The following GALNTL5 variants were observed in gnomAD, a reference collection of about 807,000 sequenced individuals.
The protein encoded by GALNTL5 is inactive polypeptide N-acetylgalactosaminyltransferase-like protein 5.
In GALNTL5, 44 loss-of-function variants were observed where a neutral mutation model predicts 51.0. The observed-to-expected ratio is 0.86, with a 90% CI of 0.68 to 1.11. GALNTL5 has a LOEUF of 1.11. Ranked by LOEUF, GALNTL5 falls within the 50% of genes least tolerant of loss-of-function variation. The pLI, the probability that GALNTL5 is intolerant of heterozygous loss-of-function variation, is 0.00. For missense variants in GALNTL5, 528 were observed against 531.8 expected (o/e 0.99, Z 0.07); for synonymous variants, 192 against 182.8 (o/e 1.05, Z -0.41).
intron 5 of GALNTL5, among the ~76,000 whole-genome samples, chr7:151,988,803 C>A (rs1215232639): frequency 6.6e-6 from 1 of 151,098 alleles, no homozygotes. Context: ...TGGGCTCAAG[C>A]AATTCTCCTG....
In GALNTL5 at chr7:151,967,279, T is replaced by C. The variant is rs1013989112; in HGVS notation, c.33T>C (p.Tyr11=). MRNAIIQGLF[Y]GSLTFGIWTA... ...ATGCCATAATTCAAGGTTTATTCTA[T>C]GGGTCCTTGACATTTGGGATCTGGA... Residue 11 remains tyrosine (Y), a synonymous_variant, in exon 2 of 9, where the codon TAT becomes TAC. Transcript: ENST00000392800. The C allele has an allele frequency of 1.2e-6, 2 of 1,613,562 alleles. No homozygotes were observed. The highest frequency in any genetic ancestry group is 1.3e-5 in the African/African-American group (1 of 74,942).
intron 1 of GALNTL5, among the ~76,000 whole-genome samples, chr7:151,965,920 C>G (rs879759707): frequency 6.6e-6 from 1 of 151,992 alleles, no homozygotes; most frequent in Non-Finnish European, 1.5e-5. Flanking sequence ...GTTCTTTATT[C>G]TCCTCCCCCC....
intron 3 of GALNTL5, among the ~76,000 whole-genome samples, chr7:151,971,504 G>A (rs923589653): frequency 2.0e-5 from 3 of 152,030 alleles, no homozygotes; most frequent in African/African-American, 7.3e-5. Flanking sequence ...TCATTGTTAT[G>A]TGATAAAATA....
chr7:151,989,963 T>C (rs1248131995), intron 5 of GALNTL5, among the ~76,000 whole-genome samples: 1 of 152,230 alleles, frequency 6.6e-6, no homozygotes, highest in Non-Finnish European at 1.5e-5. Flanking sequence ...TTCTATATTA[T>C]GAACACTGAG....
At chr7:151,988,391 G>T (rs2081387342) in intron 5 of GALNTL5, among the ~76,000 whole-genome samples, 1 of 152,186 alleles carries the variant, frequency 6.6e-6, no homozygotes. Flanking sequence ...ACCACGGGAG[G>T]CGAATCATTT....
intron 6 of GALNTL5, among the ~76,000 whole-genome samples, chr7:152,004,072 A>G (rs1221492898): frequency 1.3e-5 from 2 of 152,092 alleles, no homozygotes; most frequent in Non-Finnish European, 2.9e-5. Flanking sequence ...GTCAGAAATA[A>G]GCACGGAGAT....
chr7:151,986,871 G>A (rs7794670), intron 4 of GALNTL5, among the ~76,000 whole-genome samples: 127,326 of 151,430 alleles, frequency 0.84, 55,000 homozygotes, highest in Non-Finnish European at 0.96. Flanking sequence ...GATTACAGGC[G>A]CCCACCACTA....
At chr7:152,013,333 A>G (rs534490710) in intron 7 of GALNTL5, among the ~76,000 whole-genome samples, 42 of 152,182 alleles carry the variant, frequency 2.8e-4, no homozygotes, top group Admixed American at 2.1e-3. Flanking sequence ...TGTACCCTTG[A>G]ACTGAAAACA....
At chr7:151,969,963 C>G (rs1196877412) in intron 2 of GALNTL5, among the ~76,000 whole-genome samples, 2 of 131,598 alleles carry the variant, frequency 1.5e-5, no homozygotes, top group Admixed American at 1.5e-4. Context: ...CCAGCCGCCA[C>G]GCCTGGCTAT....
chr7:152,003,596 A>G (rs984741307), intron 6 of GALNTL5, among the ~76,000 whole-genome samples: 1 of 152,232 alleles, frequency 6.6e-6, no homozygotes, highest in African/African-American at 2.4e-5. Context: ...GATCTGATCA[A>G]TATCAACATT....
chr7:152,013,788 A>G (rs551151758), intron 7 of GALNTL5, among the ~76,000 whole-genome samples: 2 of 152,238 alleles, frequency 1.3e-5, no homozygotes, highest in Non-Finnish European at 1.5e-5. Context: ...GTGAGTTTAC[A>G]TATATACCTG....
Position 152,019,829 on chromosome 7 carries a change from A to G in GALNTL5, c.*28A>G, listed in dbSNP as rs1353814477. The stretch of plus-strand genomic sequence containing the variant: ...GGAAAACAAATCACTTTCATTAATA[A>G]AGGGTTAAAAGTCTCCTAGTCATTC... On this transcript the variant is annotated 3_prime_UTR_variant, in exon 9 of 9. Coordinates refer to ENST00000392800, the MANE Select transcript of GALNTL5 (RefSeq NM_145292.4). 10 of 1,577,706 alleles carry G rather than the reference A, an allele frequency of 6.3e-6. No homozygotes were observed. The highest frequency in any genetic ancestry group is 8.7e-6 in the Non-Finnish European group (10 of 1,154,204).
Position 152,002,815 on chromosome 7 carries a change from C to A in GALNTL5, c.760C>A (p.Pro254Thr), listed in dbSNP as rs759715189. 1.9e-6 allele frequency: 3 copies of A among 1,614,060 alleles called. No individual in the cohort carries two copies. The highest frequency in any genetic ancestry group is 1.7e-5 in the Admixed American group (1 of 60,014). The change falls in exon 6 of 9, where the codon CCC becomes ACC. Residue 254 changes from proline (P) to threonine (T), a missense_variant. Pro to Thr is a conservative substitution (Grantham distance 38). Transcript: ENST00000392800. ...CAAGGACCCCAAAATGGTGGTGTGCCCCCTGATAGATGTCATTGATGATAG... is the reference window on the plus strand; with the variant it reads ...CAAGGACCCCAAAATGGTGGTGTGCACCCTGATAGATGTCATTGATGATAG... ...IAKDPKMVVC[P>T]LIDVIDDRTL...
chr7:151,962,938 T>C (rs1009185794), intron 1 of GALNTL5, among the ~76,000 whole-genome samples: 8 of 152,182 alleles, frequency 5.3e-5, no homozygotes, highest in Non-Finnish European at 1.2e-4. Flanking sequence ...TTTTCCTTTA[T>C]TGCCATTTGC....
chr7:151,994,596 C>T (rs929712409), intron 5 of GALNTL5, among the ~76,000 whole-genome samples: 1 of 152,090 alleles, frequency 6.6e-6, no homozygotes, highest in South Asian at 2.1e-4. Context: ...AGCCTCTGCC[C>T]GTGATTGGCT....
chr7:151,995,390 TG>T (rs2081486917), intron 5 of GALNTL5: 4 of 97,846 alleles, frequency 4.1e-5, no homozygotes, highest in African/African-American at 1.5e-4. Context: ...TTTTTTTTTT[TG>T]CATGGGAGCG....
At chr7:151,969,868 A>G (rs1177341188) in intron 2 of GALNTL5, among the ~76,000 whole-genome samples, 2 of 152,116 alleles carry the variant, frequency 1.3e-5, no homozygotes, top group African/African-American at 2.4e-5. Flanking sequence ...GTGCAGTGGC[A>G]CGATCTCGGC....
chr7:152,018,606 T>C (rs2081849213), intron 8 of GALNTL5, among the ~76,000 whole-genome samples: 1 of 152,168 alleles, frequency 6.6e-6, no homozygotes, highest in Admixed American at 6.5e-5. Flanking sequence ...GATTGCATAA[T>C]ACAGCACAAT....
intron 1 of GALNTL5, among the ~76,000 whole-genome samples, chr7:151,958,161 GC>G (rs1215159624): frequency 6.6e-6 from 1 of 152,108 alleles, no homozygotes; most frequent in Non-Finnish European, 1.5e-5. Flanking sequence ...ACATTTCCCG[GC>G]TGGCAGCACC....
Sources: allele counts gnomAD v4.1 joint callset (sites outside exome capture counted in the v4.1 genomes callset), GRCh38; gene constraint gnomAD v4.1.1; transcripts MANE v1.5; gene names NCBI Gene and HGNC (gene_info 2026-07-23, HGNC 2026-07-21).